COL8A1: variants seen among roughly 807,000 people sequenced by gnomAD.
The protein encoded by COL8A1 is collagen type VIII alpha 1 chain.
A neutral mutation model predicts 42.7 loss-of-function variants in COL8A1; 21 were observed. The ratio of observed to expected loss-of-function variants is 0.49; its 90% CI spans 0.35 to 0.71. The LOEUF (loss-of-function observed/expected upper bound fraction) is 0.71. Among genes scored for constraint, COL8A1 ranks in the 30% least tolerant of loss-of-function variants. The pLI, the probability that COL8A1 is intolerant of heterozygous loss-of-function variation, is 0.01. For missense variants in COL8A1, 788 were observed against 962.4 expected (o/e 0.82, Z 2.40); for synonymous variants, 367 against 369.1 (o/e 0.99, Z 0.06).
At chr3:99,678,837 T>C (rs986724115) in intron 1 of COL8A1, 2 of 152,316 alleles carry the variant, frequency 1.3e-5, no homozygotes, top group African/African-American at 2.4e-5. Context: ...ATTGGGAATA[T>C]AAGACAATTC....
intron 2 of COL8A1, among the ~76,000 whole-genome samples, chr3:99,759,421 G>A (rs919924890): frequency 2.6e-5 from 4 of 152,014 alleles, no homozygotes; most frequent in East Asian, 1.9e-4. Context: ...AAATATCCTC[G>A]AAATGATTTC....
intron 2 of COL8A1, among the ~76,000 whole-genome samples, chr3:99,786,216 A>G (rs1302250493): frequency 2.0e-5 from 3 of 152,102 alleles, no homozygotes; most frequent in Non-Finnish European, 4.4e-5. Context: ...CCACTCTGTC[A>G]TTATTGAACC....
intron 1 of COL8A1, among the ~76,000 whole-genome samples, chr3:99,667,320 C>T (rs1363796402): frequency 3.3e-5 from 5 of 151,990 alleles, no homozygotes; most frequent in African/African-American, 4.8e-5. Flanking sequence ...AATAGCATAC[C>T]TTAATTTTTG....
chr3:99,787,766 C>T (rs1321057167), intron 2 of COL8A1, among the ~76,000 whole-genome samples: 3 of 152,086 alleles, frequency 2.0e-5, no homozygotes, highest in Non-Finnish European at 4.4e-5. Flanking sequence ...GTGCTTTTGT[C>T]ATATGACATG....
At chr3:99,690,070 A>G (rs1156900755) in intron 1 of COL8A1, among the ~76,000 whole-genome samples, 1 of 152,244 alleles carries the variant, frequency 6.6e-6, no homozygotes, top group Non-Finnish European at 1.5e-5. Flanking sequence ...CGATAACTAT[A>G]GACAAAGCAA....
At chr3:99,723,217 T>C (rs749234873) in intron 1 of COL8A1, among the ~76,000 whole-genome samples, 6 of 152,136 alleles carry the variant, frequency 3.9e-5, no homozygotes, top group Non-Finnish European at 7.4e-5. Flanking sequence ...GGAAAGATCT[T>C]ATTGGCAGTG....
At chr3:99,667,103 G>A (rs1938389574) in intron 1 of COL8A1, among the ~76,000 whole-genome samples, 1 of 152,126 alleles carries the variant, frequency 6.6e-6, no homozygotes, top group African/African-American at 2.4e-5. Context: ...ATGTGGTTTT[G>A]GCTAGTCAAT....
At chr3:99,785,690 T>G (rs1941880727) in intron 2 of COL8A1, among the ~76,000 whole-genome samples, 7 of 152,076 alleles carry the variant, frequency 4.6e-5, no homozygotes, top group Admixed American at 4.6e-4. Flanking sequence ...GGCTGGTAAA[T>G]AAGAAGAGGC....
At chr3:99,650,437 T>C (rs1937807332) in intron 1 of COL8A1, among the ~76,000 whole-genome samples, 1 of 152,060 alleles carries the variant, frequency 6.6e-6, no homozygotes, top group Non-Finnish European at 1.5e-5. Flanking sequence ...TTATTTTTAT[T>C]TTTAATTTTT....
chr3:99,646,901 A>C (rs1179826569), intron 1 of COL8A1, among the ~76,000 whole-genome samples: 3 of 152,004 alleles, frequency 2.0e-5, no homozygotes, highest in Non-Finnish European at 4.4e-5. Flanking sequence ...TGATCTAAAA[A>C]CTCTATTTTA....
chr3:99,666,771 T>C (rs1450269051), intron 1 of COL8A1, among the ~76,000 whole-genome samples: 1 of 152,226 alleles, frequency 6.6e-6, no homozygotes, highest in Non-Finnish European at 1.5e-5. Flanking sequence ...AGAAATGCTA[T>C]AGGAACTAAG....
At chr3:99,698,426 G>A (rs147454233) in intron 1 of COL8A1, among the ~76,000 whole-genome samples, 2 of 152,234 alleles carry the variant, frequency 1.3e-5, no homozygotes, top group Non-Finnish European at 2.9e-5. Flanking sequence ...TCTTCTTACT[G>A]ATAGCACTAG....
chr3:99,689,351 G>A (rs1479684736), intron 1 of COL8A1, among the ~76,000 whole-genome samples: 1 of 152,156 alleles, frequency 6.6e-6, no homozygotes, highest in African/African-American at 2.4e-5. Context: ...AGCCCTTAGT[G>A]GCAGGAATCA....
chr3:99,692,894 C>T (rs1278923941), intron 1 of COL8A1, among the ~76,000 whole-genome samples: 1 of 152,272 alleles, frequency 6.6e-6, no homozygotes, highest in Non-Finnish European at 1.5e-5. Context: ...ACGCGTGGCT[C>T]ACGCCTGTAA....
intron 2 of COL8A1, among the ~76,000 whole-genome samples, chr3:99,750,049 C>CTTTT (rs1176042144): frequency 0.039 from 2,604 of 65,966 alleles, 4 homozygotes; most frequent in Middle Eastern, 0.08. Flanking sequence ...TTTTTTTCTT[C>CTTTT]TTTTTTTTTT....
rs552016398 is a variant in COL8A1 at position 99,739,601 on chromosome 3, T to TCA, written c.-128-5296_-128-5295insCA. 4.4e-3 allele frequency among the ~76,000 whole-genome samples: 677 copies of TCA among 152,336 alleles called. 6 individuals carry two copies. Among genetic ancestry groups the TCA allele is most frequent in the African/African-American group, 0.015 (634 of 41,580 alleles). On this transcript the variant is annotated intron_variant, in intron 1 of 3. Transcript: ENST00000652472. ...ACATCACATGGAAGCTGCCAAAGCT[T>TCA]GGGGTTTGCACCCTCTGAAGCCACG... is the stretch of plus-strand genomic sequence containing the variant.
chr3:99,756,685 G>C (rs1941260204), intron 2 of COL8A1, among the ~76,000 whole-genome samples: 1 of 152,236 alleles, frequency 6.6e-6, no homozygotes, highest in Admixed American at 6.5e-5. Flanking sequence ...ATGGGAACCA[G>C]GGTCTTCAAT....
At position 99,669,125 on chromosome 3, in the gene COL8A1, A is replaced by T. The variant is rs1253405473; in HGVS notation, c.-129+30461A>T. Among the ~76,000 whole-genome samples the T allele has an allele frequency of 7.2e-5, 6 of 82,776 alleles. 1 individual carries two copies. In the South Asian group the frequency reaches 1.7e-3, roughly 23 times the overall value. 54.3% of individuals were successfully genotyped at this position (82,776 alleles called of 152,430 possible). A position where few individuals can be genotyped will look rare whatever the true frequency, so the allele number is the denominator to read the frequency against. ...TTTAAGACCTTGTCTTAAAAAAATT[A>T]TATATATATATATATATATATAGAG... is the stretch of plus-strand genomic sequence containing the variant. On this transcript the variant is annotated intron_variant, in intron 1 of 3. Coordinates refer to ENST00000652472, the MANE Select transcript of COL8A1 (RefSeq NM_020351.4).
intron 1 of COL8A1, among the ~76,000 whole-genome samples, chr3:99,737,721 A>G (rs1194825760): frequency 2.6e-5 from 4 of 152,046 alleles, no homozygotes; most frequent in African/African-American, 4.8e-5. Flanking sequence ...TGCTCTTCTC[A>G]AGGAGTATCT....
Sources: allele counts gnomAD v4.1 joint callset (sites outside exome capture counted in the v4.1 genomes callset), GRCh38; gene constraint gnomAD v4.1.1; transcripts MANE v1.5; gene names NCBI Gene and HGNC (gene_info 2026-07-23, HGNC 2026-07-21).